NR3C1: variants seen among roughly 807,000 people sequenced by gnomAD.
NR3C1 encodes nuclear receptor subfamily 3 group C member 1.
NR3C1 carries 14 observed loss-of-function variants against 74.0 expected under a neutral mutation model. That is an observed-to-expected ratio of 0.19 (90% CI 0.12 to 0.30). The LOEUF (loss-of-function observed/expected upper bound fraction) is 0.30. Among genes scored for constraint, NR3C1 ranks in the 10% least tolerant of loss-of-function variants. The pLI is 1.00. For synonymous variants in NR3C1, 308 were observed against 332.5 expected (o/e 0.93, Z 0.80); for missense variants, 695 against 909.8 (o/e 0.76, Z 3.04).
exon 1 of NR3C1, chr5:143,434,839 C>T: frequency 1.0e-6 from 1 of 985,404 alleles, no homozygotes; most frequent in Non-Finnish European, 1.2e-6. Flanking sequence ...TTCCTTTTTT[C>T]AGAAGAAGCC....
Position 143,400,067 on chromosome 5 carries a change from T to C in NR3C1, c.773A>G (p.Lys258Arg), listed in dbSNP as rs1445240654. 2.5e-6 allele frequency: 4 copies of C among 1,614,256 alleles called. No homozygotes were observed. In the South Asian group the frequency reaches 4.4e-5, roughly 18 times the overall value. ...LILPDTKPKIKDNGDLVLSSP... is the reference protein window; with the variant it reads ...LILPDTKPKIRDNGDLVLSSP... ...TGACAAAACCAGATCTCCATTATCC[T>C]TAATTTTGGGTTTAGTGTCCGGTAA... is the stretch of plus-strand genomic sequence containing the variant. Residue 258 changes from lysine to arginine, a missense_variant, in exon 2 of 9, where the codon AAG (lysine) becomes AGG (arginine). By Grantham distance (26) the Lys-to-Arg change is conservative (BLOSUM62 2). This residue lies in a region of NR3C1 where 497 missense variants were observed against 489.5 expected (regional missense o/e 1.02). Transcript: ENST00000394464.
At chr5:143,363,184 C>T (rs1832593148) in intron 2 of NR3C1, among the ~76,000 whole-genome samples, 1 of 152,090 alleles carries the variant, frequency 6.6e-6, no homozygotes, top group Admixed American at 6.5e-5. Context: ...ATTAGGTGAC[C>T]ACTAAACTAA....
chr5:143,327,505 C>A (rs1824882562), intron 2 of NR3C1, among the ~76,000 whole-genome samples: 1 of 152,214 alleles, frequency 6.6e-6, no homozygotes, highest in Non-Finnish European at 1.5e-5. Context: ...CTTATTACAG[C>A]ATTAACTCAA....
intron 2 of NR3C1, among the ~76,000 whole-genome samples, chr5:143,315,354 T>TA (rs1179725605): frequency 6.6e-6 from 1 of 152,172 alleles, no homozygotes; most frequent in Non-Finnish European, 1.5e-5. Flanking sequence ...TGCTTGTAAT[T>TA]AGAGACTGCC....
At chr5:143,358,844 G>A (rs548893513) in intron 2 of NR3C1, among the ~76,000 whole-genome samples, 44 of 148,728 alleles carry the variant, frequency 3.0e-4, no homozygotes, top group Non-Finnish European at 5.1e-4. Flanking sequence ...AGGTTGTGGT[G>A]AGCCGAGATC....
intron 2 of NR3C1, 88 bp downstream of exon 2, chr5:143,399,568 G>C: frequency 2.8e-6 from 3 of 1,054,398 alleles, no homozygotes; most frequent in Admixed American, 2.0e-5. Context: ...TGAATCTTTA[G>C]AGAACACATA....
intron 7 of NR3C1, among the ~76,000 whole-genome samples, chr5:143,290,658 C>G (rs1815674745): frequency 6.6e-6 from 1 of 152,138 alleles, no homozygotes; most frequent in African/African-American, 2.4e-5. Flanking sequence ...ACCTCCATCT[C>G]CCAGGTTCAA....
chr5:143,414,514 T>C lies in NR3C1; in HGVS notation c.-13-13662A>G, dbSNP rs61757441. Among the ~76,000 whole-genome samples, 1,420 of 152,354 alleles carry C rather than the reference T, an allele frequency of 9.3e-3. 36 individuals carry two copies. Among genetic ancestry groups the C allele is most frequent in the African/African-American group, 0.033 (1,381 of 41,574 alleles). On this transcript the variant is annotated intron_variant, in intron 1 of 8. Transcript: ENST00000343796. ...TTACCATCAGCAAATAGTTATTGAA[T>C]GATGTCCAGCATATTTTTATTTCCC...
intron 2 of NR3C1, among the ~76,000 whole-genome samples, chr5:143,349,703 A>G (rs1403017353): frequency 6.6e-6 from 1 of 152,160 alleles, no homozygotes; most frequent in African/African-American, 2.4e-5. Flanking sequence ...CATCTAACAA[A>G]TATTTTGAGA....
chr5:143,404,167 G>C, upstream of NR3C1: 1 of 985,524 alleles, frequency 1.0e-6, no homozygotes, highest in South Asian at 4.7e-5. Context: ...ACAAGAGCCG[G>C]GGCGCCTCCC....
chr5:143,349,249 T>C (rs1273681497), intron 2 of NR3C1, among the ~76,000 whole-genome samples: 1 of 152,148 alleles, frequency 6.6e-6, no homozygotes, highest in Non-Finnish European at 1.5e-5. Flanking sequence ...TGATGGCTGT[T>C]CCTTCTCTAA....
At chr5:143,302,985 T>G (rs949281532) in intron 4 of NR3C1, among the ~76,000 whole-genome samples, 1 of 151,840 alleles carries the variant, frequency 6.6e-6, no homozygotes, top group Admixed American at 6.6e-5. Context: ...TAAAACCTAG[T>G]TTATAAAAGT....
At chr5:143,330,143 G>A (rs957551037) in intron 2 of NR3C1, among the ~76,000 whole-genome samples, 3 of 152,230 alleles carry the variant, frequency 2.0e-5, no homozygotes, top group Non-Finnish European at 2.9e-5. Context: ...GAAAAGTAAC[G>A]TGTCTCTTCT....
At chr5:143,377,035 A>G (rs1031147937) in intron 2 of NR3C1, among the ~76,000 whole-genome samples, 5 of 152,198 alleles carry the variant, frequency 3.3e-5, no homozygotes, top group African/African-American at 7.2e-5. Context: ...CTTTTGTCTC[A>G]AAGTATCTCT....
At chr5:143,393,724 T>G (rs1838704328) in intron 2 of NR3C1, among the ~76,000 whole-genome samples, 1 of 152,144 alleles carries the variant, frequency 6.6e-6, no homozygotes, top group African/African-American at 2.4e-5. Flanking sequence ...GTCACAGCAC[T>G]GCCCCAACCA....
intron 1 of NR3C1, among the ~76,000 whole-genome samples, chr5:143,433,546 C>T (rs949456259): frequency 1.9e-5 from 2 of 106,012 alleles, no homozygotes; most frequent in African/African-American, 6.3e-5. Context: ...GTTATTGGCA[C>T]CTTGGAATAA....
At chr5:143,403,100 GA>G in intron 1 of NR3C1, 110 bp downstream of exon 1, 1 of 185,450 alleles carries the variant, frequency 5.4e-6, no homozygotes, top group Non-Finnish European at 6.7e-6. Flanking sequence ...CCCACTCCCC[GA>G]GGCTAATAAA....
In NR3C1 at chr5:143,281,718, T is replaced by C; in HGVS notation, c.*171A>G. 1.6e-6 allele frequency: 1 copy of C among 634,710 alleles called. No individual in the cohort carries two copies. The highest frequency in any genetic ancestry group is 2.7e-6 in the Non-Finnish European group (1 of 372,322). The allele number at this position is 634,710 out of a possible 1,614,324, so 39.3% of individuals were successfully genotyped here. On this transcript the variant is annotated 3_prime_UTR_variant, in exon 9 of 9. Coordinates refer to ENST00000394464, the MANE Select transcript of NR3C1 (RefSeq NM_000176.3). ...AGTGATGACGACTCAACTGCTTCTG[T>C]TGCCAAGTCTTGGCCCTCTATAAAC...
At chr5:143,401,305 A>G (rs1043178280) in intron 1 of NR3C1, 1 of 203,828 alleles carries the variant, frequency 4.9e-6, no homozygotes, top group Non-Finnish European at 1.0e-5. Flanking sequence ...AATACATATA[A>G]CATTTGATAA....
Sources: gnomAD v4.1 joint callset for allele counts (sites outside exome capture counted in the v4.1 genomes callset) on GRCh38, gnomAD v4.1.1 for gene constraint, gnomAD v4.1.1 regional missense constraint, MANE v1.5 for transcripts, NCBI Gene and HGNC (gene_info 2026-07-23, HGNC 2026-07-21) for gene names.